Variants in NAV2 observed in about 807,000 individuals in gnomAD.
NAV2 encodes the protein helicase, APC down-regulated 1.
A neutral mutation model predicts 223.2 loss-of-function variants in NAV2; 54 were observed. The observed-to-expected ratio is 0.24, with a 90% CI of 0.19 to 0.30. The LOEUF (loss-of-function observed/expected upper bound fraction) is 0.30, where lower values mean the gene tolerates loss of function less well. Among genes scored for constraint, NAV2 ranks in the 10% least tolerant of loss-of-function variants. The pLI is 1.00. For synonymous variants in NAV2, 1,279 were observed against 1,239.3 expected, an observed-to-expected ratio of 1.03 and a Z score of -0.67; for missense variants, 2,806 against 3,147.5, an observed-to-expected ratio of 0.89 and a Z score of 2.60.
intron 1 of NAV2, among the ~76,000 whole-genome samples, chr11:19,623,576 A>G (rs553109482): frequency 2.2e-3 from 342 of 152,148 alleles, no homozygotes; most frequent in African/African-American, 7.3e-3. Context: ...AAGCTTGTGC[A>G]TTTGTCACAT....
At chr11:19,384,387 G>A (rs1848956452) in intron 1 of NAV2, among the ~76,000 whole-genome samples, 1 of 152,226 alleles carries the variant, frequency 6.6e-6, no homozygotes, top group Admixed American at 6.5e-5. Flanking sequence ...CTGTGACCTT[G>A]AACATCCTTT....
intron 1 of NAV2, among the ~76,000 whole-genome samples, chr11:19,602,219 C>T (rs958128989): frequency 1.1e-4 from 17 of 148,116 alleles, no homozygotes; most frequent in Admixed American, 2.0e-4. Flanking sequence ...GCTCTGTTGC[C>T]CAGGCTGGAA....
chr11:19,742,008 T>G (rs576228604), intron 1 of NAV2, among the ~76,000 whole-genome samples: 1 of 85,478 alleles, frequency 1.2e-5, no homozygotes, highest in South Asian at 3.3e-4. Flanking sequence ...CAACACTTGT[T>G]ATCTTTTGAC....
intron 1 of NAV2, among the ~76,000 whole-genome samples, chr11:19,358,738 C>G (rs971859961): frequency 6.6e-6 from 1 of 152,216 alleles, no homozygotes; most frequent in South Asian, 2.1e-4. Context: ...TTCCTTCAGA[C>G]CCCCTCTTCC....
At chr11:19,983,976 G>A (rs892764749) in intron 10 of NAV2, 149 bp from the exon 11 acceptor site, 1 of 957,346 alleles carries the variant, frequency 1.0e-6, no homozygotes, top group African/African-American at 1.6e-5. Context: ...GTTATCCTTG[G>A]GCTGTGATCA....
intron 1 of NAV2, among the ~76,000 whole-genome samples, chr11:19,798,375 T>C (rs1226033595): frequency 6.6e-6 from 1 of 152,236 alleles, no homozygotes; most frequent in African/African-American, 2.4e-5. Context: ...CCATCTTATC[T>C]AGATGACATT....
chr11:20,037,384 A>AC (rs2056492123), intron 12 of NAV2, among the ~76,000 whole-genome samples: 1 of 147,972 alleles, frequency 6.8e-6, no homozygotes, highest in Non-Finnish European at 1.5e-5. Flanking sequence ...AAAAAAAAAA[A>AC]GGATGTATCA....
chr11:19,522,285 A>G (rs953059743), intron 1 of NAV2, among the ~76,000 whole-genome samples: 16 of 152,078 alleles, frequency 1.1e-4, no homozygotes, highest in Admixed American at 1.0e-3. Flanking sequence ...GCCTCCCTCC[A>G]TCGTCTCCAA....
intron 5 of NAV2, chr11:19,884,464 T>A: frequency 1.0e-6 from 1 of 959,214 alleles, no homozygotes; most frequent in Admixed American, 2.0e-5. Flanking sequence ...CTCTCCTCGT[T>A]TCATGTTTGC....
chr11:19,905,147 C>T (rs1167544980), intron 6 of NAV2, among the ~76,000 whole-genome samples: 4 of 152,170 alleles, frequency 2.6e-5, no homozygotes, highest in East Asian at 1.9e-4. Context: ...CTGCATCTTA[C>T]GTGGATATGC....
chr11:19,748,498 A>G (rs1479377166), intron 1 of NAV2, among the ~76,000 whole-genome samples: 1 of 152,198 alleles, frequency 6.6e-6, no homozygotes, highest in Non-Finnish European at 1.5e-5. Context: ...CATTTTCCTT[A>G]CCTGTAAACT....
At chr11:19,345,290 C>G in the NAV2 span, among the ~76,000 whole-genome samples, 3 of 152,230 alleles carry the variant, frequency 2.0e-5, no homozygotes, top group Non-Finnish European at 4.4e-5. The surrounding 1 kb of genome is among the most constrained non-coding windows in gnomAD (Gnocchi z 5.2). Context: ...GAGGCGGCTC[C>G]GCGAAGCCGG....
At chr11:19,846,549 G>T (rs1036077055) in intron 3 of NAV2, among the ~76,000 whole-genome samples, 2 of 152,188 alleles carry the variant, frequency 1.3e-5, no homozygotes, top group African/African-American at 4.8e-5. Context: ...TTGGGAAATG[G>T]AAACACAACC....
chr11:19,450,311 G>A (rs1173136537), intron 1 of NAV2, among the ~76,000 whole-genome samples: 1 of 152,092 alleles, frequency 6.6e-6, no homozygotes, highest in African/African-American at 2.4e-5. Context: ...GACCTGCAGG[G>A]CCACCTATTC....
chr11:19,559,471 A>G (rs565933447), intron 1 of NAV2, among the ~76,000 whole-genome samples: 37 of 152,378 alleles, frequency 2.4e-4, no homozygotes, highest in African/African-American at 8.9e-4. Context: ...GAAATGCCCA[A>G]GAAAGCATCT....
upstream of NAV2, among the ~76,000 whole-genome samples, chr11:19,709,546 CAAAAAAAAAAA>C (rs3043492): frequency 3.2e-5 from 2 of 63,156 alleles, no homozygotes; most frequent in African/African-American, 1.3e-4. Context: ...GACTCCGTCT[CAAAAAAAAAAA>C]AAAAAAAAAA....
chr11:19,492,404 T>G lies in NAV2; in HGVS notation c.75+141377T>G, dbSNP rs192322946. ...GGATATGTCCCTAAATTTACTGTGT[T>G]AAATATCAGCATGTGTCTGAAAGAG... On this transcript the variant is annotated intron_variant, in intron 1 of 37. Coordinates refer to the NAV2 transcript ENST00000360655. 8.8e-4 allele frequency among the ~76,000 whole-genome samples: 134 copies of G among 152,296 alleles called. 1 individual carries two copies. Among genetic ancestry groups the G allele is most frequent in the Non-Finnish European group, 1.5e-3 (101 of 68,032 alleles).
chr11:20,089,988 C>T (rs1371545941), intron 26 of NAV2, among the ~76,000 whole-genome samples: 3 of 152,272 alleles, frequency 2.0e-5, no homozygotes, highest in Non-Finnish European at 2.9e-5. Flanking sequence ...CACACCATCC[C>T]GTCTGTTCTC....
chr11:20,111,881 G>A (rs2062669658), intron 36 of NAV2, among the ~76,000 whole-genome samples: 1 of 152,234 alleles, frequency 6.6e-6, no homozygotes, highest in Non-Finnish European at 1.5e-5. Context: ...CAGAGATGAA[G>A]AGCAAATGTT....
Sources: allele counts gnomAD v4.1 joint callset (sites outside exome capture counted in the v4.1 genomes callset), GRCh38; gene constraint gnomAD v4.1.1; non-coding constraint Gnocchi (gnomAD v3.1); transcripts MANE v1.5; gene names NCBI Gene and HGNC (gene_info 2026-07-23, HGNC 2026-07-21).